Variants in CIC observed in about 807,000 individuals in gnomAD.
CIC encodes protein capicua homolog.
Under a neutral mutation model 115.7 loss-of-function variants are expected in CIC, and 18 were observed. The observed-to-expected ratio is 0.16, with a 90% CI of 0.11 to 0.23. The LOEUF (loss-of-function observed/expected upper bound fraction) is 0.23, where lower values mean the gene tolerates loss of function less well. Among genes scored for constraint, CIC ranks in the 10% least tolerant of loss-of-function variants. The pLI is 1.00. For synonymous variants in CIC, 1,076 were observed against 923.0 expected (o/e 1.17, Z -3.01); for missense variants, 2,000 against 2,159.3 (o/e 0.93, Z 1.46).
chr19:42,275,734 G>C lies in CIC; in HGVS notation c.2794+1157G>C, dbSNP rs1471070728. ...TTGCTGTATTGCCCAGGCTGGTCTCGAATTCCTGGGCTCAAGCAGTCTTCC... is the reference window on the plus strand; with the variant it reads ...TTGCTGTATTGCCCAGGCTGGTCTCCAATTCCTGGGCTCAAGCAGTCTTCC... On this transcript the variant is annotated intron_variant, in intron 2 of 20. Transcript: ENST00000681038. Among the ~76,000 whole-genome samples the C allele has an allele frequency of 5.3e-5, 8 of 152,058 alleles. 1 individual carries two copies. In the South Asian group the frequency reaches 1.7e-3, roughly 31 times the overall value.
chr19:42,270,380 G>T lies in CIC; in HGVS notation c.-11+999G>T, dbSNP rs1344440698. On this transcript the variant is annotated intron_variant, in intron 1 of 20. Transcript: ENST00000681038. This position sits in a 1 kb window ranked among gnomAD's most constrained non-coding sequence, Gnocchi z 4.1. ...CCAGTAGCTGGAAGACTGAGTCGGG[G>T]TTGCCTCTCATTGTGTTTGGCTTAT... Among the ~76,000 whole-genome samples, 1 of 152,190 alleles carries T rather than the reference G, an allele frequency of 6.6e-6. No homozygotes were observed. Among genetic ancestry groups the T allele is most frequent in the Non-Finnish European group, 1.5e-5 (1 of 68,032 alleles).
Position 42,280,079 on chromosome 19 carries a change from A to G in CIC, c.2794+5502A>G, listed in dbSNP as rs919514064. On this transcript the variant is annotated intron_variant, in intron 2 of 20. Coordinates refer to ENST00000681038, the MANE Select transcript of CIC (RefSeq NM_001386298.1). The surrounding 1 kb of genome is among the most constrained non-coding windows in gnomAD (Gnocchi z 4.9). Reference sequence around the variant, plus strand: ...GGAGGGAGGCGCATTAGCGGCGGCGACGGCGTCTGGCTCCCATTACCACCG... The same window carrying G: ...GGAGGGAGGCGCATTAGCGGCGGCGGCGGCGTCTGGCTCCCATTACCACCG... 3 of 152,128 alleles carry G rather than the reference A, an allele frequency of 2.0e-5. No individual in the cohort carries two copies. Among genetic ancestry groups the G allele is most frequent in the African/African-American group, 7.2e-5 (3 of 41,390 alleles). The allele number at this position is 152,128 out of a possible 1,614,324, so 9.4% of individuals were successfully genotyped here.
At position 42,290,294 on chromosome 19, in the gene CIC, C is replaced by A. The variant is rs767088244; in HGVS notation, c.4253C>A (p.Pro1418Gln). 8.1e-6 allele frequency: 13 copies of A among 1,613,976 alleles called. No homozygotes were observed. Among genetic ancestry groups the A allele is most frequent in the African/African-American group, 1.3e-5 (1 of 74,894 alleles). The change falls in exon 11 of 21, where the codon CCA becomes CAA. Residue 1418 changes from proline to glutamine, a missense_variant. Around this residue, in one of 8 missense-constraint regions of CIC, gnomAD observed 1,466 missense variants for 1,390.4 expected, o/e 1.05. Coordinates refer to ENST00000681038, the MANE Select transcript of CIC (RefSeq NM_001386298.1). ...TCCTCCTTTACCCACTGCCGCCCCC[C>A]ACTGGACCCTGAGCCCCCAGGGCCC... ...IRSSFTHCRP[P>Q]LDPEPPGPPD...
rs1472429216 is a variant in CIC at position 42,295,341 on chromosome 19, C to G, written c.*150C>G. On this transcript the variant is annotated 3_prime_UTR_variant, in exon 21 of 21. Coordinates refer to ENST00000681038, the MANE Select transcript of CIC (RefSeq NM_001386298.1). Reference sequence around the variant, plus strand: ...GGCCTGCTCCTCTTGTAAATACCCCCTTCCCTCGAAGCTCCCTCCCGGTGC... The same window carrying G: ...GGCCTGCTCCTCTTGTAAATACCCCGTTCCCTCGAAGCTCCCTCCCGGTGC... The G allele has an allele frequency of 4.3e-6, 3 of 693,238 alleles. No individual in the cohort carries two copies. The highest frequency in any genetic ancestry group is 7.1e-6 in the Non-Finnish European group (3 of 422,110). 42.9% of individuals were successfully genotyped at this position (693,238 alleles called of 1,614,324 possible).
Position 42,292,448 on chromosome 19 carries a change from G to T in CIC, c.5884G>T (p.Val1962Leu), listed in dbSNP as rs773634795. ...GCTGGGGCCCAGCGGCCCCGCCTTC[G>T]TGCAGCCCCTGCTCTCAGGTGAGGG... is the stretch of plus-strand genomic sequence containing the variant. ...TSLGPSGPAF[V>L]QPLLSAGQAP... The change falls in exon 14 of 21, where the codon GTG (valine) becomes TTG (leucine). Residue 1962 changes from valine to leucine, a missense_variant. Coordinates refer to ENST00000681038, the MANE Select transcript of CIC (RefSeq NM_001386298.1). 3.1e-6 allele frequency: 5 copies of T among 1,610,998 alleles called. No homozygotes were observed. The South Asian group carries it at 4.4e-5, about 14-fold the overall frequency.
chr19:42,290,677 A>G lies in CIC; in HGVS notation c.4636A>G (p.Lys1546Glu), dbSNP rs759424114. 9.3e-6 allele frequency: 15 copies of G among 1,612,428 alleles called. No homozygotes were observed. The highest frequency in any genetic ancestry group is 3.3e-5 in the Admixed American group (2 of 59,978). ...ILQTLVLPPN[K>E]EEQEGGGARV... ...GCAGACACTGGTGCTGCCCCCAAAC[A>G]AGGAGGAGCAAGAGGGCGGCGGAGC... The change falls in exon 11 of 21, where the codon AAG becomes GAG. Residue 1546 changes from lysine (K) to glutamate (E), a missense_variant. Around this residue, in one of 8 missense-constraint regions of CIC, gnomAD observed 1,466 missense variants for 1,390.4 expected, o/e 1.05. Transcript: ENST00000681038.
rs750651148 is a variant in CIC, at chr19:42,291,195, C to T, written c.5154C>T (p.Gly1718=). ...GSGPNGPVPL[G]ILQPGALGKA... is the part of the protein sequence containing the mutation. ...GCCCCAATGGGCCAGTACCCCTGGG[C>T]ATCCTGCAACCAGGTGCCCTGGGCA... is the stretch of plus-strand genomic sequence containing the variant. Residue 1718 remains glycine (G), a synonymous_variant, in exon 11 of 21, where the codon GGC becomes GGT. Transcript: ENST00000681038. 8 of 1,610,014 alleles carry T rather than the reference C, an allele frequency of 5.0e-6. No individual in the cohort carries two copies. Among genetic ancestry groups the T allele is most frequent in the South Asian group, 1.1e-5 (1 of 90,768 alleles).
At chr19:42,275,252 C>T (rs1028849021) in intron 2 of CIC, among the ~76,000 whole-genome samples, 16 of 152,166 alleles carry the variant, frequency 1.1e-4, no homozygotes, top group Admixed American at 9.8e-4. Context: ...GTGGCAGGAC[C>T]AGGACTGGAG....
intron 2 of CIC, among the ~76,000 whole-genome samples, chr19:42,285,772 G>C (rs1285152320): frequency 1.3e-5 from 2 of 152,228 alleles, no homozygotes; most frequent in African/African-American, 4.8e-5. Flanking sequence ...TGGTATCCTA[G>C]GCCCGCCCCA....
chr19:42,292,124 C>T lies in CIC; in HGVS notation c.5652C>T (p.Ser1884=), dbSNP rs562503521. 49 of 1,613,978 alleles carry T rather than the reference C, an allele frequency of 3.0e-5. No homozygotes were observed. The East Asian group carries it at 7.6e-4, about 25-fold the overall frequency. The change falls in exon 13 of 21, where the codon AGC becomes AGT. Residue 1884 remains serine (S), a synonymous_variant. Transcript: ENST00000681038. ...QLTPVPVSTP[S]GLVPPLSPAT... is the part of the protein sequence containing the mutation. ...CCCCGGTGCCTGTGAGCACACCCAG[C>T]GGCCTGGTGCCGCCCCTGAGCCCAG...
chr19:42,293,733 C>T lies in CIC; in HGVS notation c.6664C>T (p.Arg2222Trp), dbSNP rs773220927. ...TGGCAGCAGCGAGAGCAGCAGTGGG[C>T]GGGCAGCCGGGGACACCCCGGAGCG... Reference protein sequence around the residue: ...PGGSSESSSGRAAGDTPERKE... With the variant: ...PGGSSESSSGWAAGDTPERKE... The change falls in exon 17 of 21, where the codon CGG becomes TGG. Residue 2222 changes from arginine to tryptophan, a missense_variant. Physicochemically the swap from Arg to Trp is moderately radical, Grantham distance 101. This residue lies in a region of CIC where 1,466 missense variants were observed against 1,390.4 expected (regional missense o/e 1.05). Coordinates refer to ENST00000681038, the MANE Select transcript of CIC (RefSeq NM_001386298.1). The T allele has an allele frequency of 1.1e-5, 17 of 1,612,726 alleles. No individual in the cohort carries two copies. Among genetic ancestry groups the T allele is most frequent in the African/African-American group, 4.0e-5 (3 of 74,946 alleles).
chr19:42,291,805 T>C, intron 12 of CIC, 60 bp downstream of exon 12: 1 of 1,597,124 alleles, frequency 6.3e-7, no homozygotes, highest in Non-Finnish European at 8.6e-7. Flanking sequence ...CATCATTTCT[T>C]TGTCTTTTTT....
intron 12 of CIC, 81 bp from the exon 13 acceptor site, chr19:42,292,005 G>A: frequency 6.3e-7 from 1 of 1,597,462 alleles, no homozygotes; most frequent in South Asian, 1.1e-5. Flanking sequence ...TTTGCTTAGA[G>A]TCCCACTTGA....
Position 42,274,419 on chromosome 19 carries a change from T to A in CIC, c.2636T>A (p.Val879Glu). 2.5e-6 allele frequency: 1 copy of A among 399,136 alleles called. No homozygotes were observed. The allele number at this position is 399,136 out of a possible 1,614,324, so 24.7% of individuals were successfully genotyped here. Reference protein sequence around the residue: ...ITVPPAAPTAVAQPMPAFGLA... With the variant: ...ITVPPAAPTAEAQPMPAFGLA... Reference sequence around the variant, plus strand: ...GTGCCTCCAGCTGCACCAACTGCCGTGGCCCAGCCGATGCCCGCCTTTGGC... The same window carrying A: ...GTGCCTCCAGCTGCACCAACTGCCGAGGCCCAGCCGATGCCCGCCTTTGGC... Residue 879 changes from valine (V) to glutamate (E), a missense_variant, in exon 2 of 21, where the codon GTG becomes GAG. Coordinates refer to ENST00000681038, the MANE Select transcript of CIC (RefSeq NM_001386298.1).
rs964999232 is a variant in CIC at position 42,280,629 on chromosome 19, GGCGCCCCGCC to G, written c.2794+6056_2794+6065del. Among the ~76,000 whole-genome samples, 16 of 152,134 alleles carry G rather than the reference GGCGCCCCGCC, an allele frequency of 1.1e-4. No individual in the cohort carries two copies. Among genetic ancestry groups the G allele is most frequent in the Non-Finnish European group, 1.6e-4 (11 of 67,962 alleles). ...CAGACAGCTCGGGTGCCAGCTGGCCGGCGCCCCGCCGCGGCCCGCGTGGGTGTCAGGCCGG... is the reference window on the plus strand; with the variant it reads ...CAGACAGCTCGGGTGCCAGCTGGCCGGCGGCCCGCGTGGGTGTCAGGCCGG... On this transcript the variant is annotated intron_variant, in intron 2 of 20. Coordinates refer to ENST00000681038, the MANE Select transcript of CIC (RefSeq NM_001386298.1). This position sits in a 1 kb window ranked among gnomAD's most constrained non-coding sequence, Gnocchi z 4.9.
chr19:42,293,299 G>A lies in CIC; in HGVS notation c.6522+18G>A, dbSNP rs765176161. 62 of 1,552,742 alleles carry A rather than the reference G, an allele frequency of 4.0e-5. No homozygotes were observed. Among genetic ancestry groups the A allele is most frequent in the South Asian group, 1.6e-4 (14 of 84,964 alleles). ...AGACCATGGTGAGCGCCTGCAGGCC[G>A]TGGGGCTCCCACTGCCACTTGGCTG... On this transcript the variant is annotated intron_variant, in intron 16 of 20. Coordinates refer to ENST00000681038, the MANE Select transcript of CIC (RefSeq NM_001386298.1).
chr19:42,292,591 C>T lies in CIC; in HGVS notation c.5928C>T (p.Pro1976=), dbSNP rs142564982. 2.9e-5 allele frequency: 47 copies of T among 1,613,234 alleles called. No homozygotes were observed. Among genetic ancestry groups the T allele is most frequent in the East Asian group, 2.9e-4 (13 of 44,900 alleles). Residue 1976 remains proline, a synonymous_variant, in exon 15 of 21, where the codon CCC becomes CCT. Coordinates refer to ENST00000681038, the MANE Select transcript of CIC (RefSeq NM_001386298.1). ...CAGGCCAAGCCCCACTGCTGGCTCC[C>T]GGTCAGGTGGGCGTGTCACCTGTGC... is the stretch of plus-strand genomic sequence containing the variant. ...LSAGQAPLLA[P]GQVGVSPVPS...
At position 42,288,070 on chromosome 19, in the gene CIC, C is replaced by T. The variant is rs1283694544; in HGVS notation, c.3658+95C>T. 11 of 1,392,798 alleles carry T rather than the reference C, an allele frequency of 7.9e-6. No individual in the cohort carries two copies. The African/African-American group carries it at 1.1e-4, about 14-fold the overall frequency. The allele number at this position is 1,392,798 out of a possible 1,614,324, so 86.3% of individuals were successfully genotyped here. A position where few individuals can be genotyped will look rare whatever the true frequency, so the allele number is the denominator to read the frequency against. On this transcript the variant is annotated intron_variant, in intron 7 of 20. Transcript: ENST00000681038. Reference sequence around the variant, plus strand: ...TGCTCCTCCCCTGCCCCAGCAGCTCCTCTCTGCTCTATCGCTTTAATTTGG... The same window carrying T: ...TGCTCCTCCCCTGCCCCAGCAGCTCTTCTCTGCTCTATCGCTTTAATTTGG...
chr19:42,284,698 C>T (rs751620953), intron 2 of CIC: 1 of 1,545,284 alleles, frequency 6.5e-7, no homozygotes, highest in Non-Finnish European at 8.7e-7. Flanking sequence ...CCCCCCTGCG[C>T]CGGACCATGT....
Sources: allele counts gnomAD v4.1 joint callset (sites outside exome capture counted in the v4.1 genomes callset), GRCh38; gene constraint gnomAD v4.1.1; regional missense constraint gnomAD v4.1.1; non-coding constraint Gnocchi (gnomAD v3.1); transcripts MANE v1.5; gene names NCBI Gene and HGNC (gene_info 2026-07-23, HGNC 2026-07-21).